Variants in PPFIA1 observed in about 807,000 individuals in gnomAD.
PPFIA1 encodes the protein PPFI scaffold protein A1.
A neutral mutation model predicts 149.9 loss-of-function variants in PPFIA1; 25 were observed. That is an observed-to-expected ratio of 0.17 (90% CI 0.12 to 0.23). The LOEUF is 0.23. Among genes scored for constraint, PPFIA1 ranks in the 10% least tolerant of loss-of-function variants. PPFIA1 has a pLI of 1.00. For missense variants in PPFIA1, 1,362 were observed against 1,506.5 expected (o/e 0.90, Z 1.59); for synonymous variants, 549 against 552.8 (o/e 0.99, Z 0.10).
intron 2 of PPFIA1, among the ~76,000 whole-genome samples, chr11:70,295,388 C>T (rs1444798875): frequency 7.1e-6 from 1 of 141,250 alleles, no homozygotes; most frequent in African/African-American, 2.6e-5. Context: ...GGGCTGACCC[C>T]CCCATCTCCC....
intron 2 of PPFIA1, among the ~76,000 whole-genome samples, chr11:70,311,531 C>T (rs187259535): frequency 3.9e-5 from 6 of 152,232 alleles, no homozygotes; most frequent in Admixed American, 1.3e-4. Context: ...TCAACCAGTC[C>T]ATCACAGGCC....
intron 2 of PPFIA1, among the ~76,000 whole-genome samples, chr11:70,302,365 G>C (rs565633418): frequency 2.6e-5 from 4 of 152,164 alleles, no homozygotes; most frequent in Non-Finnish European, 5.9e-5. Context: ...GGCATGGAGG[G>C]CTGTGAGCTC....
intron 16 of PPFIA1, among the ~76,000 whole-genome samples, chr11:70,348,663 T>G (rs2055864750): frequency 6.6e-6 from 1 of 152,176 alleles, no homozygotes; most frequent in Non-Finnish European, 1.5e-5. Context: ...GGCAGATCAC[T>G]TGAGCCCAGG....
At chr11:70,290,466 C>T (rs916603463) in intron 2 of PPFIA1, among the ~76,000 whole-genome samples, 2 of 152,170 alleles carry the variant, frequency 1.3e-5, no homozygotes, top group African/African-American at 2.4e-5. Context: ...ATAGCTAAGG[C>T]TTTGTTGGCG....
chr11:70,328,320 A>G (rs945610107), intron 7 of PPFIA1, among the ~76,000 whole-genome samples: 3 of 152,124 alleles, frequency 2.0e-5, no homozygotes, highest in African/African-American at 7.2e-5. Flanking sequence ...CTTATAAGTG[A>G]GAACATGAGG....
At chr11:70,283,893 A>G (rs1457876868) in intron 2 of PPFIA1, 7 of 471,992 alleles carry the variant, frequency 1.5e-5, no homozygotes, top group East Asian at 6.9e-5. Flanking sequence ...AGCCCCCTCA[A>G]CAAAGAATTA....
At position 70,372,525 on chromosome 11, in the gene PPFIA1, C is replaced by T. The variant is rs1464472374; in HGVS notation, c.3090C>T (p.Asp1030=). The T allele has an allele frequency of 6.2e-7, 1 of 1,613,722 alleles. No homozygotes were observed. The highest frequency in any genetic ancestry group is 1.7e-5 in the Admixed American group (1 of 60,002). ...GIMCLRRLNY[D]RKELERKREE... ...TGTGCCTGAGAAGGTTAAATTATGA[C>T]CGGAAAGAACTGGAAAGAAAAAGAG... The change falls in exon 23 of 28, where the codon GAC becomes GAT. Residue 1030 remains aspartate, a synonymous_variant. Transcript: ENST00000253925.
At chr11:70,324,795 A>G (rs2054165938) in intron 3 of PPFIA1, 52 bp from the exon 4 acceptor site, 3 of 1,444,052 alleles carry the variant, frequency 2.1e-6, no homozygotes, top group Non-Finnish European at 2.8e-6. Flanking sequence ...AGATTCAATC[A>G]TGAAATTAAA....
intron 2 of PPFIA1, among the ~76,000 whole-genome samples, chr11:70,309,204 C>G (rs1046467783): frequency 2.0e-5 from 3 of 151,658 alleles, no homozygotes; most frequent in East Asian, 3.9e-4. Context: ...GAGTCTTGCT[C>G]TGTCACCCAG....
chr11:70,271,245 C>T (rs2050062362), intron 1 of PPFIA1: 1 of 152,280 alleles, frequency 6.6e-6, no homozygotes, highest in Non-Finnish European at 1.5e-5. Context: ...CCCCGGGGTT[C>T]GGGGCTTCCG....
intron 21 of PPFIA1, 58 bp downstream of exon 21, chr11:70,362,546 A>G: frequency 1.3e-6 from 2 of 1,494,830 alleles, no homozygotes; most frequent in Admixed American, 4.2e-5. Flanking sequence ...CTCTGAAGGT[A>G]TCACTGCCCT....
intron 2 of PPFIA1, among the ~76,000 whole-genome samples, chr11:70,296,668 C>T (rs937264938): frequency 9.1e-5 from 13 of 143,060 alleles, no homozygotes; most frequent in African/African-American, 2.8e-4. Context: ...AGAGGGAGAC[C>T]GTGGAAAGAG....
At position 70,356,811 on chromosome 11, in the gene PPFIA1, T is replaced by C. The variant is rs918096934; in HGVS notation, c.2582+557T>C. Among the ~76,000 whole-genome samples, 5 of 152,364 alleles carry C rather than the reference T, an allele frequency of 3.3e-5. No individual in the cohort carries two copies. The South Asian group carries it at 1.0e-3, about 32-fold the overall frequency. ...CGAAACAGTCGCCATGCTGCATTTT[T>C]CTCTCTTCCGTAGATCGGGTAGTTT... On this transcript the variant is annotated intron_variant, in intron 19 of 27. Coordinates refer to ENST00000253925, the MANE Select transcript of PPFIA1 (RefSeq NM_003626.5).
chr11:70,378,023 T>G lies in PPFIA1; in HGVS notation c.3385-7T>G. 6.3e-7 allele frequency: 1 copy of G among 1,586,874 alleles called. No individual in the cohort carries two copies. The highest frequency in any genetic ancestry group is 1.7e-4 in the Middle Eastern group (1 of 5,958). ...TGAATCTTGTTTTTTGTTCCTTAAT[T>G]TACCAGGATGATGATAAAAGCTTTA... On this transcript the variant is annotated splice_region_variant and splice_polypyrimidine_tract_variant and intron_variant, in intron 25 of 27. Transcript: ENST00000253925.
chr11:70,288,778 C>T (rs2051324639), intron 2 of PPFIA1, among the ~76,000 whole-genome samples: 1 of 152,018 alleles, frequency 6.6e-6, no homozygotes, highest in South Asian at 2.1e-4. Context: ...TTGCCAAGAC[C>T]CCATTAGTTC....
At chr11:70,375,964 A>G (rs1288624912) in intron 24 of PPFIA1, among the ~76,000 whole-genome samples, 4 of 152,084 alleles carry the variant, frequency 2.6e-5, no homozygotes, top group Non-Finnish European at 4.4e-5. Context: ...TTATGGTTCA[A>G]TGTAGTCATA....
At chr11:70,326,861 G>C (rs375868414) in intron 7 of PPFIA1, 43 bp downstream of exon 7, 1 of 1,517,448 alleles carries the variant, frequency 6.6e-7, no homozygotes. Context: ...GAAGTTGTAT[G>C]TTTGGGACGT....
intron 2 of PPFIA1, among the ~76,000 whole-genome samples, chr11:70,292,141 G>A (rs534307676): frequency 5.9e-5 from 9 of 152,106 alleles, no homozygotes; most frequent in Admixed American, 1.3e-4. Context: ...TTGGCCAGTC[G>A]CCTGGCTAAT....
At chr11:70,294,021 C>T (rs769849343) in intron 2 of PPFIA1, among the ~76,000 whole-genome samples, 5 of 149,060 alleles carry the variant, frequency 3.4e-5, no homozygotes, top group South Asian at 4.2e-4. Context: ...ACTGCAGCCT[C>T]GACTTCCTGG....
Sources: allele counts gnomAD v4.1 joint callset (sites outside exome capture counted in the v4.1 genomes callset), GRCh38; gene constraint gnomAD v4.1.1; transcripts MANE v1.5; gene names NCBI Gene and HGNC (gene_info 2026-07-23, HGNC 2026-07-21).